The following MARCHF11 variants were observed in gnomAD, a reference collection of about 807,000 sequenced individuals.
The protein encoded by MARCHF11 is E3 ubiquitin-protein ligase MARCHF11.
MARCHF11 carries 29 observed loss-of-function variants against 37.3 expected under a neutral mutation model. That is an observed-to-expected ratio of 0.78 (90% CI 0.58 to 1.06). The LOEUF (loss-of-function observed/expected upper bound fraction) is 1.06, where lower values mean the gene tolerates loss of function less well. MARCHF11 is among the 50% of genes least tolerant of loss of function. The pLI, the probability that MARCHF11 is intolerant of heterozygous loss-of-function variation, is 0.00. For synonymous variants in MARCHF11, 233 were observed against 228.0 expected (o/e 1.02, Z -0.20); for missense variants, 482 against 533.4 (o/e 0.90, Z 0.95).
At chr5:16,128,241 C>T (rs1737449946) in intron 2 of MARCHF11, among the ~76,000 whole-genome samples, 1 of 152,182 alleles carries the variant, frequency 6.6e-6, no homozygotes, top group Non-Finnish European at 1.5e-5. Context: ...CAGATATCCT[C>T]CCTACTCTGA....
At chr5:16,170,883 G>A (rs1248983508) in intron 2 of MARCHF11, among the ~76,000 whole-genome samples, 1 of 152,034 alleles carries the variant, frequency 6.6e-6, no homozygotes, top group Non-Finnish European at 1.5e-5. Flanking sequence ...GCCTGGGGTG[G>A]GGTAAGACCA....
At chr5:16,128,746 CT>C (rs1737462091) in intron 2 of MARCHF11, among the ~76,000 whole-genome samples, 1 of 152,112 alleles carries the variant, frequency 6.6e-6, no homozygotes, top group Non-Finnish European at 1.5e-5. Context: ...CCAAACTTGA[CT>C]GTTTGTGTGT....
chr5:16,154,191 A>G (rs1737931647), intron 2 of MARCHF11, among the ~76,000 whole-genome samples: 1 of 151,960 alleles, frequency 6.6e-6, no homozygotes, highest in South Asian at 2.1e-4. Context: ...GAGTGATGCC[A>G]GGGGTTTTCT....
rs575174222 is a variant in MARCHF11 at position 16,106,882 on chromosome 5, G to T, written c.694-15801C>A. ...ACACACAAAGACTAAAACAGGTGCT[G>T]TGTTTGGATTGTGGGTGTTCTGATT... On this transcript the variant is annotated intron_variant, in intron 2 of 3. Transcript: ENST00000332432. 9.8e-5 allele frequency among the ~76,000 whole-genome samples: 15 copies of T among 152,294 alleles called. No individual in the cohort carries two copies. In the South Asian group the frequency reaches 3.1e-3, roughly 32 times the overall value.
At chr5:16,115,983 C>T (rs935955098) in intron 2 of MARCHF11, among the ~76,000 whole-genome samples, 4 of 152,030 alleles carry the variant, frequency 2.6e-5, no homozygotes, top group Non-Finnish European at 4.4e-5. Flanking sequence ...ATGAAAGTGA[C>T]TTTTGGGTTG....
intron 2 of MARCHF11, among the ~76,000 whole-genome samples, chr5:16,133,465 A>T (rs1001495488): frequency 6.6e-6 from 1 of 152,180 alleles, no homozygotes; most frequent in Non-Finnish European, 1.5e-5. Context: ...CAGAGGCATG[A>T]GAGAATCCAA....
chr5:16,104,021 T>C (rs764625036), intron 2 of MARCHF11, among the ~76,000 whole-genome samples: 5 of 152,114 alleles, frequency 3.3e-5, no homozygotes, highest in Non-Finnish European at 5.9e-5. Flanking sequence ...AAAAGGAAAA[T>C]AGTTGTTTGA....
At chr5:16,081,957 T>C (rs1009545469) in intron 3 of MARCHF11, among the ~76,000 whole-genome samples, 34 of 152,166 alleles carry the variant, frequency 2.2e-4, no homozygotes, top group African/African-American at 8.2e-4. Flanking sequence ...AAGGCAATGG[T>C]ATCACTCATA....
Position 16,161,015 on chromosome 5 carries a change from T to C in MARCHF11, c.693+16711A>G, listed in dbSNP as rs879256640. Among the ~76,000 whole-genome samples, 105 of 151,940 alleles carry C rather than the reference T, an allele frequency of 6.9e-4. 2 individuals are homozygous for C. Among genetic ancestry groups the C allele is most frequent in the Non-Finnish European group, 3.2e-4 (22 of 67,946 alleles). On this transcript the variant is annotated intron_variant, in intron 2 of 3. Transcript: ENST00000332432. ...GCTCCTGTAAACCCTCAGAACACCC[T>C]GGTTTATTTGGAAAGGTTTTAAACT...
At chr5:16,101,757 C>G (rs576509702) in intron 2 of MARCHF11, among the ~76,000 whole-genome samples, 1 of 152,194 alleles carries the variant, frequency 6.6e-6, no homozygotes, top group African/African-American at 2.4e-5. Flanking sequence ...TCTCAACAGG[C>G]TATTGCTGTT....
At chr5:16,118,049 A>T (rs1005662091) in intron 2 of MARCHF11, among the ~76,000 whole-genome samples, 4 of 152,232 alleles carry the variant, frequency 2.6e-5, no homozygotes, top group African/African-American at 9.6e-5. Flanking sequence ...ATGACAGCTA[A>T]AAGATGGGTA....
chr5:16,138,939 T>C (rs1344199164), intron 2 of MARCHF11, among the ~76,000 whole-genome samples: 2 of 152,194 alleles, frequency 1.3e-5, no homozygotes, highest in Non-Finnish European at 2.9e-5. Flanking sequence ...GCAACTAACT[T>C]GCTTTTGATT....
chr5:16,123,536 C>T (rs1379385809), intron 2 of MARCHF11, among the ~76,000 whole-genome samples: 3 of 152,196 alleles, frequency 2.0e-5, no homozygotes, highest in Non-Finnish European at 4.4e-5. Context: ...CAAACTAATA[C>T]ACCATACATG....
At chr5:16,129,406 G>T (rs761476868) in intron 2 of MARCHF11, 1 of 152,008 alleles carries the variant, frequency 6.6e-6, no homozygotes, top group Admixed American at 6.6e-5. Flanking sequence ...AGAATAAAGC[G>T]TGTCTTTCAT....
chr5:16,178,363 A>G (rs1447638682), intron 1 of MARCHF11, among the ~76,000 whole-genome samples: 2 of 152,204 alleles, frequency 1.3e-5, no homozygotes, highest in Non-Finnish European at 2.9e-5. Flanking sequence ...ACTTTTAAAA[A>G]CATTACACCT....
At chr5:16,091,449 T>G (rs1310055857) in intron 2 of MARCHF11, among the ~76,000 whole-genome samples, 1 of 152,236 alleles carries the variant, frequency 6.6e-6, no homozygotes, top group Non-Finnish European at 1.5e-5. Context: ...CTTCTCTATC[T>G]GGTAATTTAG....
rs192419468 is a variant in MARCHF11, at chr5:16,083,515, C to T, written c.886+7374G>A. 1.1e-4 allele frequency among the ~76,000 whole-genome samples: 17 copies of T among 152,282 alleles called. No individual in the cohort carries two copies. The East Asian group carries it at 3.1e-3, about 28-fold the overall frequency. On this transcript the variant is annotated intron_variant, in intron 3 of 3. Coordinates refer to ENST00000332432, the MANE Select transcript of MARCHF11 (RefSeq NM_001102562.3). ...AGCATGCTCGTCTATGGTTCATGAACCTGTGTGGCAATGAACTTAAGGCTC... is the reference window on the plus strand; with the variant it reads ...AGCATGCTCGTCTATGGTTCATGAATCTGTGTGGCAATGAACTTAAGGCTC...
chr5:16,115,674 C>T (rs528318993), intron 2 of MARCHF11, among the ~76,000 whole-genome samples: 2 of 150,774 alleles, frequency 1.3e-5, no homozygotes, highest in East Asian at 3.9e-4. Context: ...GTTGCCCAGG[C>T]TGGAGTGCAG....
intron 2 of MARCHF11, among the ~76,000 whole-genome samples, chr5:16,140,840 T>G (rs1308961930): frequency 6.6e-6 from 1 of 152,216 alleles, no homozygotes; most frequent in African/African-American, 2.4e-5. Context: ...ACAAAATTTA[T>G]TAAAATGTAA....
Sources: gnomAD v4.1 joint callset for allele counts (sites outside exome capture counted in the v4.1 genomes callset) on GRCh38, gnomAD v4.1.1 for gene constraint, MANE v1.5 for transcripts, NCBI Gene and HGNC (gene_info 2026-07-23, HGNC 2026-07-21) for gene names.